Variants in CEP85L observed in about 807,000 individuals in gnomAD.
CEP85L encodes centrosomal protein 85L.
A neutral mutation model predicts 100.3 loss-of-function variants in CEP85L; 60 were observed. That is an observed-to-expected ratio of 0.60 (90% CI 0.49 to 0.74). CEP85L has a LOEUF of 0.74. Among genes scored for constraint, CEP85L ranks in the 30% least tolerant of loss-of-function variants. The pLI is 0.00. For missense variants in CEP85L, 973 were observed against 936.2 expected (o/e 1.04, Z -0.51); for synonymous variants, 319 against 322.7 (o/e 0.99, Z 0.12).
chr6:118,501,646 T>C, intron 5 of CEP85L: 1 of 641,698 alleles, frequency 1.6e-6, no homozygotes, highest in Admixed American at 1.9e-5. Context: ...CCACTTATTA[T>C]AAAGCTGCAA....
In CEP85L at chr6:118,565,530, T is replaced by C; in HGVS notation, c.1019A>G (p.Gln340Arg). 6.2e-7 allele frequency: 1 copy of C among 1,614,076 alleles called. No individual in the cohort carries two copies. The highest frequency in any genetic ancestry group is 8.5e-7 in the Non-Finnish European group (1 of 1,179,910). Residue 340 changes from glutamine to arginine, a missense_variant and splice_region_variant, in exon 3 of 13, where the codon CAG becomes CGG. This residue lies in a region of CEP85L where 890 missense variants were observed against 844.5 expected (regional missense o/e 1.05). Transcript: ENST00000368491. ...CAAACACTAGATTTTGCACCTTACC[T>C]GCATTGGTGTTTCACTTCCTTGTCG... The part of the protein sequence containing the change: ...DFRQGSETPM[Q>R]VLTGSSRQSY...
At chr6:118,680,875 C>CAAA (rs35690474) in intron 1 of CEP85L, among the ~76,000 whole-genome samples, 3 of 147,162 alleles carry the variant, frequency 2.0e-5, no homozygotes, top group African/African-American at 5.0e-5. Context: ...GACCTTGTGT[C>CAAA]AAAAAAAAAA....
intron 1 of CEP85L, among the ~76,000 whole-genome samples, chr6:118,666,366 A>G (rs1444828155): frequency 6.6e-6 from 1 of 152,248 alleles, no homozygotes; most frequent in East Asian, 1.9e-4. Flanking sequence ...AAACAAGTTT[A>G]GTGAAATTAA....
chr6:118,522,753 G>GCTGT (rs960551274), intron 4 of CEP85L, among the ~76,000 whole-genome samples: 6 of 151,968 alleles, frequency 3.9e-5, no homozygotes, highest in African/African-American at 1.5e-4. Context: ...GTGGTGCACA[G>GCTGT]CTGTAATCCC....
chr6:118,474,597 T>A (rs1462528150), intron 10 of CEP85L, among the ~76,000 whole-genome samples: 2 of 152,144 alleles, frequency 1.3e-5, no homozygotes, highest in African/African-American at 4.8e-5. Flanking sequence ...GTCAAAAAGA[T>A]GTAGGGCTGC....
At chr6:118,563,895 T>G (rs1313048731) in intron 3 of CEP85L, among the ~76,000 whole-genome samples, 2 of 152,224 alleles carry the variant, frequency 1.3e-5, no homozygotes, top group Non-Finnish European at 2.9e-5. Context: ...AGGGAAGCAG[T>G]CATTTAATGA....
intron 1 of CEP85L, among the ~76,000 whole-genome samples, chr6:118,703,239 C>CT (rs1309986358): frequency 6.6e-6 from 1 of 151,040 alleles, no homozygotes; most frequent in Admixed American, 6.6e-5. Context: ...TTCTTTTTGT[C>CT]TTTTTTGAGC....
Position 118,470,648 on chromosome 6 carries a change from G to A in CEP85L, c.1915-4C>T. On this transcript the variant is annotated splice_region_variant and splice_polypyrimidine_tract_variant and intron_variant, in intron 10 of 12. Transcript: ENST00000368491. ...TAGAAAGCTTTCCTTGCATAGACTAGAATTTTTAAAAAAATTGGAAAGCAA... is the reference window on the plus strand; with the variant it reads ...TAGAAAGCTTTCCTTGCATAGACTAAAATTTTTAAAAAAATTGGAAAGCAA... The A allele has an allele frequency of 1.3e-6, 2 of 1,549,786 alleles. No individual in the cohort carries two copies. Among genetic ancestry groups the A allele is most frequent in the Non-Finnish European group, 1.7e-6 (2 of 1,144,556 alleles).
At chr6:118,694,029 A>G (rs759277051) in intron 1 of CEP85L, among the ~76,000 whole-genome samples, 3 of 152,334 alleles carry the variant, frequency 2.0e-5, no homozygotes, top group East Asian at 3.9e-4. Context: ...TTTCCCAAAC[A>G]GAAGGAGGGG....
At chr6:118,698,897 C>A (rs1314695437) in intron 1 of CEP85L, among the ~76,000 whole-genome samples, 4 of 151,488 alleles carry the variant, frequency 2.6e-5, no homozygotes, top group African/African-American at 9.8e-5. Flanking sequence ...TTCACAAAGT[C>A]ATTCTTAACC....
rs566279836 is a variant in CEP85L at position 118,577,093 on chromosome 6, G to A, written c.233-10777C>T. Reference sequence around the variant, plus strand: ...CTAGAAGTGAAAAGCCCTGCAGGTCGGCCCCTGAGGGCTATCCAACCCCGT... The same window carrying A: ...CTAGAAGTGAAAAGCCCTGCAGGTCAGCCCCTGAGGGCTATCCAACCCCGT... On this transcript the variant is annotated intron_variant, in intron 2 of 12. Transcript: ENST00000368491. Among the ~76,000 whole-genome samples, 49 of 152,224 alleles carry A rather than the reference G, an allele frequency of 3.2e-4. 1 individual carries two copies. Among genetic ancestry groups the A allele is most frequent in the African/African-American group, 9.9e-4 (41 of 41,532 alleles).
Position 118,483,727 on chromosome 6 carries a change from A to C in CEP85L, c.1569T>G (p.Asp523Glu). 6.2e-7 allele frequency: 1 copy of C among 1,613,468 alleles called. No homozygotes were observed. Among genetic ancestry groups the C allele is most frequent in the Non-Finnish European group, 8.5e-7 (1 of 1,179,662 alleles). ...KYLADLPTLD[D>E]VQSQSLQLQI... ...TTACCTGTAGACTCTGACTCTGTAC[A>C]TCATCTAGAGTTGGAAGATCAGCCA... The change falls in exon 7 of 13, where the codon GAT becomes GAG. Residue 523 changes from aspartate to glutamate, a missense_variant. By Grantham distance (45) the Asp-to-Glu change is conservative. Transcript: ENST00000368491.
At chr6:118,516,388 A>C (rs978426137) in intron 4 of CEP85L, among the ~76,000 whole-genome samples, 1 of 152,180 alleles carries the variant, frequency 6.6e-6, no homozygotes, top group East Asian at 1.9e-4. Context: ...AAGTGTTTCT[A>C]TCTCTCCACA....
In CEP85L at chr6:118,616,058, A is replaced by G. The variant is rs1773021901; in HGVS notation, c.232+16395T>C. Among the ~76,000 whole-genome samples, 6 of 152,190 alleles carry G rather than the reference A, an allele frequency of 3.9e-5. No homozygotes were observed. The South Asian group carries it at 1.2e-3, about 31-fold the overall frequency. Reference sequence around the variant, plus strand: ...AAGCCTTGGGGACTCCTAAACACACATATATAAAAAATTAACTCAAAATGG... The same window carrying G: ...AAGCCTTGGGGACTCCTAAACACACGTATATAAAAAATTAACTCAAAATGG... On this transcript the variant is annotated intron_variant, in intron 2 of 12. Transcript: ENST00000368491.
intron 5 of CEP85L, among the ~76,000 whole-genome samples, chr6:118,509,100 A>G (rs908145725): frequency 3.3e-5 from 5 of 152,102 alleles, no homozygotes; most frequent in Non-Finnish European, 5.9e-5. Context: ...CACATACTTC[A>G]AAATCCTACT....
chr6:118,511,203 T>A (rs1443533747), intron 5 of CEP85L, 95 bp downstream of exon 5: 1 of 780,298 alleles, frequency 1.3e-6, no homozygotes, highest in East Asian at 2.5e-5. Flanking sequence ...AATACATTAT[T>A]AAGTTGATTT....
intron 2 of CEP85L, among the ~76,000 whole-genome samples, chr6:118,600,305 GTGT>G (rs1198371646): frequency 9.8e-5 from 4 of 40,858 alleles, no homozygotes; most frequent in African/African-American, 3.3e-4. Flanking sequence ...CTGGGGGTGT[GTGT>G]GTGTGTGTGT....
rs369705578 is a variant in CEP85L at position 118,667,606 on chromosome 6, T to C, written c.-27-14798A>G. ...TGGAGTTTTGCAATTTAATTTCATT[T>C]AGGAAGAAGAAAAAAGAGCCCTTTT... On this transcript the variant is annotated intron_variant, in intron 1 of 13. Coordinates refer to the CEP85L transcript ENST00000368488. Among the ~76,000 whole-genome samples, 132 of 152,346 alleles carry C rather than the reference T, an allele frequency of 8.7e-4. 4 individuals carry two copies. In the South Asian group the frequency reaches 0.025, roughly 29 times the overall value.
intron 2 of CEP85L, among the ~76,000 whole-genome samples, chr6:118,605,505 C>T (rs1772133203): frequency 6.6e-6 from 1 of 152,210 alleles, no homozygotes; most frequent in African/African-American, 2.4e-5. Context: ...AAAGTAATTT[C>T]TGATACCCCC....
Sources: gnomAD v4.1 joint callset for allele counts (sites outside exome capture counted in the v4.1 genomes callset) on GRCh38, gnomAD v4.1.1 for gene constraint, gnomAD v4.1.1 regional missense constraint, MANE v1.5 for transcripts, NCBI Gene and HGNC (gene_info 2026-07-23, HGNC 2026-07-21) for gene names.